Variants in RFTN1 observed in about 807,000 individuals in gnomAD.
RFTN1 encodes raftlin, lipid raft linker 1, also known as raftlin.
RFTN1 carries 26 observed loss-of-function variants against 46.5 expected under a neutral mutation model. The ratio of observed to expected loss-of-function variants is 0.56; its 90% CI spans 0.41 to 0.78. The LOEUF (loss-of-function observed/expected upper bound fraction) is 0.78. RFTN1 is among the 30% of genes least tolerant of loss of function. The pLI, the probability that RFTN1 is intolerant of heterozygous loss-of-function variation, is 0.00. For synonymous variants in RFTN1, 261 were observed against 284.2 expected, an observed-to-expected ratio of 0.92 and a Z score of 0.82; for missense variants, 693 against 718.7, an observed-to-expected ratio of 0.96 and a Z score of 0.41.
chr3:16,464,849 A>T (rs1466589379), intron 2 of RFTN1, among the ~76,000 whole-genome samples: 4 of 152,244 alleles, frequency 2.6e-5, no homozygotes, highest in African/African-American at 7.2e-5. Context: ...CTTTACAGAA[A>T]GTTTGCCAGC....
rs769792133 is a variant in RFTN1, at chr3:16,475,663, G to T, written c.145+18062C>A. Among the ~76,000 whole-genome samples the T allele has an allele frequency of 6.6e-6, 1 of 152,100 alleles. No homozygotes were observed. The highest frequency in any genetic ancestry group is 1.5e-5 in the Non-Finnish European group (1 of 68,022). The stretch of plus-strand genomic sequence containing the variant: ...CCATGTCCAAGAGTAAAAATCAATG[G>T]AAAACTAAAGCAACTAACAGACACA... On this transcript the variant is annotated intron_variant, in intron 2 of 9. Coordinates refer to ENST00000334133, the MANE Select transcript of RFTN1 (RefSeq NM_015150.2). The surrounding 1 kb of genome is among the most constrained non-coding windows in gnomAD (Gnocchi z 4.2).
At chr3:16,476,233 C>T (rs2076280041) in intron 2 of RFTN1, among the ~76,000 whole-genome samples, 3 of 152,170 alleles carry the variant, frequency 2.0e-5, no homozygotes, top group South Asian at 2.1e-4. Flanking sequence ...GTCAATATAC[C>T]TTTACAGAAA....
chr3:16,335,351 G>C lies in RFTN1; in HGVS notation c.1147-8475C>G, dbSNP rs954336723. ...GCTGAGTGGGAAGGAATCAGCCCTT[G>C]GACAATCCTGCATGGGAAACAGGCT... On this transcript the variant is annotated intron_variant, in intron 7 of 9. Coordinates refer to ENST00000334133, the MANE Select transcript of RFTN1 (RefSeq NM_015150.2). This position sits in a 1 kb window ranked among gnomAD's most constrained non-coding sequence, Gnocchi z 4.7. Among the ~76,000 whole-genome samples the C allele has an allele frequency of 4.6e-5, 7 of 152,158 alleles. No homozygotes were observed. The highest frequency in any genetic ancestry group is 1.4e-4 in the African/African-American group (6 of 41,424).
At position 16,468,114 on chromosome 3, in the gene RFTN1, G is replaced by T. The variant is rs1002292517; in HGVS notation, c.145+25611C>A. 2.3e-4 allele frequency among the ~76,000 whole-genome samples: 35 copies of T among 152,282 alleles called. No individual in the cohort carries two copies. Among genetic ancestry groups the T allele is most frequent in the African/African-American group, 8.4e-4 (35 of 41,558 alleles). ...TAGAAACATCAATATGGAGACTGCA[G>T]ACCCCAGAATGATAACAGGGTGAGC... On this transcript the variant is annotated intron_variant, in intron 2 of 9. Coordinates refer to ENST00000334133, the MANE Select transcript of RFTN1 (RefSeq NM_015150.2). The surrounding 1 kb of genome is among the most constrained non-coding windows in gnomAD (Gnocchi z 4.4).
chr3:16,360,131 T>C (rs2072733223), intron 6 of RFTN1, among the ~76,000 whole-genome samples: 1 of 152,074 alleles, frequency 6.6e-6, no homozygotes, highest in African/African-American at 2.4e-5. Context: ...TTAATTCTCT[T>C]TATCTTTCCA....
chr3:16,341,447 A>G lies in RFTN1; in HGVS notation c.1147-14571T>C, dbSNP rs998396045. Among the ~76,000 whole-genome samples, 2 of 152,222 alleles carry G rather than the reference A, an allele frequency of 1.3e-5. No individual in the cohort carries two copies. The highest frequency in any genetic ancestry group is 2.9e-5 in the Non-Finnish European group (2 of 68,042). On this transcript the variant is annotated intron_variant, in intron 7 of 9. Transcript: ENST00000334133. This position sits in a 1 kb window ranked among gnomAD's most constrained non-coding sequence, Gnocchi z 4.7. The stretch of plus-strand genomic sequence containing the variant: ...GACAGAGAAACTGCAGTGGAACCAT[A>G]CAATGAAATATTATCCAGCACTAAA...
intron 2 of RFTN1, among the ~76,000 whole-genome samples, chr3:16,470,911 A>T (rs2076183738): frequency 6.6e-6 from 1 of 152,156 alleles, no homozygotes; most frequent in Admixed American, 6.6e-5. Context: ...AGAATTAACA[A>T]ACAAGAATTT....
At position 16,316,623 on chromosome 3, in the gene RFTN1, A is replaced by G. The variant is rs2068421324; in HGVS notation, c.*205T>C. 4 of 664,394 alleles carry G rather than the reference A, an allele frequency of 6.0e-6. No individual in the cohort carries two copies. The highest frequency in any genetic ancestry group is 5.3e-5 in the South Asian group (3 of 56,990). 41.2% of individuals were successfully genotyped at this position (664,394 alleles called of 1,614,324 possible). A position where few individuals can be genotyped will look rare whatever the true frequency, so the allele number is the denominator to read the frequency against. ...CTTGCATTCTAACACTGGGTCATTA[A>G]TGACACCTTTCCAGTGGATGTGCAA... On this transcript the variant is annotated 3_prime_UTR_variant, in exon 10 of 10. Transcript: ENST00000334133. The surrounding 1 kb of genome is among the most constrained non-coding windows in gnomAD (Gnocchi z 4.5).
rs139862367 is a variant in RFTN1 at position 16,472,882 on chromosome 3, G to C, written c.145+20843C>G. 1.5e-3 allele frequency among the ~76,000 whole-genome samples: 228 copies of C among 152,272 alleles called. 1 individual carries two copies. The highest frequency in any genetic ancestry group is 5.3e-3 in the African/African-American group (221 of 41,550). On this transcript the variant is annotated intron_variant, in intron 2 of 9. Coordinates refer to ENST00000334133, the MANE Select transcript of RFTN1 (RefSeq NM_015150.2). The stretch of plus-strand genomic sequence containing the variant: ...GTGTGGAGCCATGGTGAGTCACCAA[G>C]AACTCTGGATTCTTCCAGGGGCTGG...
chr3:16,358,172 GTTAA>G (rs1304803700), intron 6 of RFTN1, 125 bp from the exon 7 acceptor site: 1 of 636,196 alleles, frequency 1.6e-6, no homozygotes, highest in East Asian at 2.7e-5. Context: ...TTTTCAGCAT[GTTAA>G]TTAAAGAAGG....
intron 3 of RFTN1, among the ~76,000 whole-genome samples, chr3:16,423,150 A>G (rs2075220958): frequency 6.6e-6 from 1 of 150,950 alleles, no homozygotes; most frequent in Non-Finnish European, 1.5e-5. Context: ...CCTGGGTGAC[A>G]GAGCGAGACT....
At chr3:16,435,080 A>C (rs2075476346) in intron 2 of RFTN1, among the ~76,000 whole-genome samples, 1 of 152,248 alleles carries the variant, frequency 6.6e-6, no homozygotes, top group Admixed American at 6.5e-5. Flanking sequence ...AAAAGTCTAC[A>C]TCCTAGCCCT....
chr3:16,510,799 T>C (rs906488130), intron 1 of RFTN1, among the ~76,000 whole-genome samples: 4 of 152,218 alleles, frequency 2.6e-5, no homozygotes, highest in Admixed American at 2.0e-4. Flanking sequence ...TGAGAACACA[T>C]GTCCCTACAG....
rs1225549050 is a variant in RFTN1, at chr3:16,410,209, TTA to T, written c.333-728_333-727del. Among the ~76,000 whole-genome samples, 3 of 123,532 alleles carry T rather than the reference TTA, an allele frequency of 2.4e-5. No individual in the cohort carries two copies. Among genetic ancestry groups the T allele is most frequent in the South Asian group, 2.8e-4 (1 of 3,550 alleles). 81.0% of individuals were successfully genotyped at this position (123,532 alleles called of 152,430 possible). A position where few individuals can be genotyped will look rare whatever the true frequency, so the allele number is the denominator to read the frequency against. Reference sequence around the variant, plus strand: ...GGTTTGGTACAATACAGCTTACATGTTATACACACACACACACACACACACAC... The same window carrying T: ...GGTTTGGTACAATACAGCTTACATGTTACACACACACACACACACACACAC... On this transcript the variant is annotated intron_variant, in intron 3 of 9. Transcript: ENST00000334133. This position sits in a 1 kb window ranked among gnomAD's most constrained non-coding sequence, Gnocchi z 4.6.
rs1451454858 is a variant in RFTN1, at chr3:16,345,374, T to C, written c.1146+12558A>G. On this transcript the variant is annotated intron_variant, in intron 7 of 9. Transcript: ENST00000334133. This position sits in a 1 kb window ranked among gnomAD's most constrained non-coding sequence, Gnocchi z 5.2. ...TGGGAAAACCTAAAGATATAGCCCC[T>C]GTTATCACATTGAGCCCTTAACTTG... 6.6e-6 allele frequency: 1 copy of C among 151,972 alleles called. No individual in the cohort carries two copies. Among genetic ancestry groups the C allele is most frequent in the East Asian group, 1.9e-4 (1 of 5,182 alleles). The allele number at this position is 151,972 out of a possible 1,614,324, so 9.4% of individuals were successfully genotyped here. A position where few individuals can be genotyped will look rare whatever the true frequency, so the allele number is the denominator to read the frequency against.
In RFTN1 at chr3:16,468,174, A is replaced by T. The variant is rs1345463653; in HGVS notation, c.145+25551T>A. Among the ~76,000 whole-genome samples, 2 of 152,196 alleles carry T rather than the reference A, an allele frequency of 1.3e-5. No homozygotes were observed. The highest frequency in any genetic ancestry group is 4.8e-5 in the African/African-American group (2 of 41,440). ...ATCCCACGGCTGGTGATGCCTCAGCACACTTCACTCTCTAGAAATTCCGTC... is the reference window on the plus strand; with the variant it reads ...ATCCCACGGCTGGTGATGCCTCAGCTCACTTCACTCTCTAGAAATTCCGTC... On this transcript the variant is annotated intron_variant, in intron 2 of 9. Coordinates refer to ENST00000334133, the MANE Select transcript of RFTN1 (RefSeq NM_015150.2). This position sits in a 1 kb window ranked among gnomAD's most constrained non-coding sequence, Gnocchi z 4.4.
intron 7 of RFTN1, among the ~76,000 whole-genome samples, chr3:16,343,044 T>C (rs2071414890): frequency 6.6e-6 from 1 of 152,132 alleles, no homozygotes; most frequent in East Asian, 1.9e-4. Context: ...AAGGTCTCAC[T>C]ATGTTGCCCA....
At chr3:16,393,721 C>T (rs139475354) in intron 4 of RFTN1, among the ~76,000 whole-genome samples, 45 of 151,402 alleles carry the variant, frequency 3.0e-4, no homozygotes, top group African/African-American at 8.2e-4. Flanking sequence ...TGCAGTGGCA[C>T]GGTCTTGGCT....
rs1406023546 is a variant in RFTN1 at position 16,361,365 on chromosome 3, C to T, written c.1031-3318G>A. Among the ~76,000 whole-genome samples, 2 of 152,090 alleles carry T rather than the reference C, an allele frequency of 1.3e-5. No individual in the cohort carries two copies. Among genetic ancestry groups the T allele is most frequent in the African/African-American group, 4.8e-5 (2 of 41,408 alleles). ...GATCTCACAAGCAGCAAGATAAAGTCCCTGCCTACATGAAGCTTACCTTGC... is the reference window on the plus strand; with the variant it reads ...GATCTCACAAGCAGCAAGATAAAGTTCCTGCCTACATGAAGCTTACCTTGC... On this transcript the variant is annotated intron_variant, in intron 6 of 9. Transcript: ENST00000334133. The surrounding 1 kb of genome is among the most constrained non-coding windows in gnomAD (Gnocchi z 4.3).
Sources: allele counts gnomAD v4.1 joint callset (sites outside exome capture counted in the v4.1 genomes callset), GRCh38; gene constraint gnomAD v4.1.1; non-coding constraint Gnocchi (gnomAD v3.1); transcripts MANE v1.5; gene names NCBI Gene and HGNC (gene_info 2026-07-23, HGNC 2026-07-21).